The following SMC1B variants were observed in gnomAD, a reference collection of about 807,000 sequenced individuals.
SMC1B encodes the protein structural maintenance of chromosomes 1B.
Under a neutral mutation model 157.9 loss-of-function variants are expected in SMC1B, and 60 were observed. That is an observed-to-expected ratio of 0.38 (90% confidence interval 0.31 to 0.47). SMC1B has a LOEUF of 0.47. SMC1B is among the 20% of genes least tolerant of loss of function. The pLI is 0.99. For synonymous variants in SMC1B, 445 were observed against 483.0 expected (o/e 0.92, Z 1.03); for missense variants, 1,165 against 1,426.2 (o/e 0.82, Z 2.95).
At chr22:45,372,769 G>T (rs986726667) in intron 12 of SMC1B, among the ~76,000 whole-genome samples, 11 of 141,772 alleles carry the variant, frequency 7.8e-5, no homozygotes, top group African/African-American at 2.7e-4. Context: ...CTGGAGTGCA[G>T]TGGCACAATC....
chr22:45,394,466 C>A (rs2087099571), intron 8 of SMC1B, among the ~76,000 whole-genome samples: 1 of 151,984 alleles, frequency 6.6e-6, no homozygotes, highest in Non-Finnish European at 1.5e-5. Flanking sequence ...ATGGTGAAAC[C>A]CCATCTTTAC....
intron 1 of SMC1B, among the ~76,000 whole-genome samples, chr22:45,409,975 T>A (rs916519363): frequency 1.3e-5 from 2 of 152,146 alleles, no homozygotes; most frequent in African/African-American, 4.8e-5. Flanking sequence ...TATGTGACAA[T>A]CTCCCGATAA....
chr22:45,388,243 G>GTGTGTGTGTA (rs1371988991), intron 10 of SMC1B, among the ~76,000 whole-genome samples: 2 of 152,054 alleles, frequency 1.3e-5, no homozygotes, highest in East Asian at 3.9e-4. Flanking sequence ...CAACTAAAAT[G>GTGTGTGTGTA]TGTGTGTGTA....
In SMC1B at chr22:45,345,464, G is replaced by C. The variant is rs1268206766; in HGVS notation, c.3601C>G (p.Pro1201Ala). The change falls in exon 24 of 25, where the codon CCT becomes GCT. Residue 1201 changes from proline to alanine, a missense_variant. Coordinates refer to ENST00000357450, the MANE Select transcript of SMC1B (RefSeq NM_148674.5). ...SRADALIGIY[P>A]EYDDCMFSRV... ...CGCCTCTGATTTGTCTTTACCTCAG[G>C]ATAGATGCCGATCAGCGCGTCGGCT... 12 of 1,608,386 alleles carry C rather than the reference G, an allele frequency of 7.5e-6. No homozygotes were observed. The South Asian group carries it at 1.3e-4, about 18-fold the overall frequency.
At chr22:45,386,821 A>G in intron 11 of SMC1B, 46 bp downstream of exon 11, 1 of 1,534,794 alleles carries the variant, frequency 6.5e-7, no homozygotes, top group Non-Finnish European at 8.9e-7. Flanking sequence ...TCTTATAAAT[A>G]CTACTTCAAC....
At chr22:45,374,726 CA>C (rs1444991595) in intron 12 of SMC1B, among the ~76,000 whole-genome samples, 1 of 152,140 alleles carries the variant, frequency 6.6e-6, no homozygotes, top group African/African-American at 2.4e-5. Flanking sequence ...AAAATAACAG[CA>C]ACCTATTTAT....
At chr22:45,383,661 C>A in intron 11 of SMC1B, 48 bp from the exon 12 acceptor site, 3 of 1,472,262 alleles carry the variant, frequency 2.0e-6, no homozygotes, top group South Asian at 1.3e-5. Flanking sequence ...CATAAAGATA[C>A]AAATAAAGAC....
chr22:45,383,697 G>C, intron 11 of SMC1B, 84 bp from the exon 12 acceptor site: 1 of 1,207,992 alleles, frequency 8.3e-7, no homozygotes, highest in South Asian at 1.6e-5. Context: ...TTAAAGCTAA[G>C]AATAAAACAT....
chr22:45,350,380 T>A (rs1602044083), intron 22 of SMC1B, among the ~76,000 whole-genome samples: 1 of 152,134 alleles, frequency 6.6e-6, no homozygotes, highest in Non-Finnish European at 1.5e-5. Flanking sequence ...CGGGTTCAAG[T>A]GATTCTCCTG....
intron 4 of SMC1B, among the ~76,000 whole-genome samples, chr22:45,404,191 C>T (rs923168657): frequency 6.6e-6 from 1 of 152,182 alleles, no homozygotes; most frequent in Non-Finnish European, 1.5e-5. Flanking sequence ...ATCCACCTGC[C>T]TCGGTCTCCC....
chr22:45,389,614 A>G lies in SMC1B; in HGVS notation c.1731+98T>C, dbSNP rs1005454494. ...TTGCCTAACTGGCATCCAAGCTACA[A>G]TTTTTCTCTATCACTATCATAGTTT... On this transcript the variant is annotated intron_variant, in intron 10 of 24. Transcript: ENST00000357450. The G allele has an allele frequency of 8.3e-6, 9 of 1,090,104 alleles. No homozygotes were observed. The Admixed American group carries it at 1.2e-4, about 15-fold the overall frequency. The allele number at this position is 1,090,104 out of a possible 1,614,324, so 67.5% of individuals were successfully genotyped here.
intron 12 of SMC1B, among the ~76,000 whole-genome samples, chr22:45,377,051 C>A (rs1488068315): frequency 4.6e-5 from 7 of 152,210 alleles, no homozygotes; most frequent in Admixed American, 1.3e-4. Flanking sequence ...AACCACACCA[C>A]TGCCTATCTT....
Position 45,353,210 on chromosome 22 carries a change from C to G in SMC1B, c.3274-608G>C, listed in dbSNP as rs13057805. Among the ~76,000 whole-genome samples, 8 of 147,760 alleles carry G rather than the reference C, an allele frequency of 5.4e-5. No homozygotes were observed. The East Asian group carries it at 1.4e-3, about 26-fold the overall frequency. On this transcript the variant is annotated intron_variant, in intron 21 of 24. Coordinates refer to ENST00000357450, the MANE Select transcript of SMC1B (RefSeq NM_148674.5). ...CCGGGAGGTGGAGGTTTCAGTGAGC[C>G]GAGATCGCACCACTGCATTCCAGCC... is the stretch of plus-strand genomic sequence containing the variant.
intron 12 of SMC1B, among the ~76,000 whole-genome samples, chr22:45,374,811 G>A (rs1196028083): frequency 1.3e-5 from 2 of 151,980 alleles, no homozygotes; most frequent in African/African-American, 4.8e-5. Flanking sequence ...CGATTTTCCA[G>A]GATTGTTCTT....
At chr22:45,346,888 A>G (rs527733398) in intron 23 of SMC1B, among the ~76,000 whole-genome samples, 6 of 152,246 alleles carry the variant, frequency 3.9e-5, no homozygotes, top group South Asian at 4.1e-4. Flanking sequence ...TATCAGAAAA[A>G]TACATCTCAA....
chr22:45,373,363 C>T (rs2086853599), intron 12 of SMC1B, among the ~76,000 whole-genome samples: 1 of 152,158 alleles, frequency 6.6e-6, no homozygotes, highest in Admixed American at 6.5e-5. Flanking sequence ...TCCAGATGTG[C>T]CAATACCATT....
At chr22:45,384,728 AAAAAG>A (rs1238408534) in intron 11 of SMC1B, among the ~76,000 whole-genome samples, 14 of 151,960 alleles carry the variant, frequency 9.2e-5, no homozygotes, top group Non-Finnish European at 2.1e-4. Flanking sequence ...TCAAAAAAAA[AAAAAG>A]AAAAGAAAAA....
chr22:45,387,951 G>C (rs1050801815), intron 10 of SMC1B, among the ~76,000 whole-genome samples: 1 of 151,808 alleles, frequency 6.6e-6, no homozygotes, highest in African/African-American at 2.4e-5. Flanking sequence ...AGAATTGCTT[G>C]AACCCGGGAG....
intron 12 of SMC1B, among the ~76,000 whole-genome samples, chr22:45,377,381 G>A (rs2086893004): frequency 6.6e-6 from 1 of 152,112 alleles, no homozygotes; most frequent in South Asian, 2.1e-4. Flanking sequence ...GCTCATGCCT[G>A]TAATCCCAGC....
Sources: gnomAD v4.1 joint callset for allele counts (sites outside exome capture counted in the v4.1 genomes callset) on GRCh38, gnomAD v4.1.1 for gene constraint, MANE v1.5 for transcripts, NCBI Gene and HGNC (gene_info 2026-07-23, HGNC 2026-07-21) for gene names.